The following SNTG1 variants were observed in gnomAD, a reference collection of about 807,000 sequenced individuals.
SNTG1 encodes gamma-1-syntrophin.
Under a neutral mutation model 74.7 loss-of-function variants are expected in SNTG1, and 39 were observed. The observed-to-expected ratio is 0.52, with a 90% confidence interval of 0.40 to 0.68. The LOEUF (loss-of-function observed/expected upper bound fraction) is 0.68. Among genes scored for constraint, SNTG1 ranks in the 30% least tolerant of loss-of-function variants. The pLI is 0.00. For missense variants in SNTG1, 685 were observed against 609.5 expected (o/e 1.12, Z -1.30); for synonymous variants, 254 against 217.1 (o/e 1.17, Z -1.49).
At chr8:50,256,505 A>C (rs1436568793) in intron 2 of SNTG1, among the ~76,000 whole-genome samples, 1 of 152,118 alleles carries the variant, frequency 6.6e-6, no homozygotes, top group African/African-American at 2.4e-5. Context: ...GTGAGTATGG[A>C]TAAAACATGT....
intron 1 of SNTG1, among the ~76,000 whole-genome samples, chr8:50,083,007 T>A (rs528115650): frequency 5.3e-5 from 8 of 152,292 alleles, no homozygotes; most frequent in African/African-American, 1.7e-4. Context: ...ATACTCCCAA[T>A]GAAGTGAGTC....
intron 1 of SNTG1, among the ~76,000 whole-genome samples, chr8:50,051,735 C>T (rs781759088): frequency 9.2e-5 from 14 of 152,084 alleles, no homozygotes; most frequent in Non-Finnish European, 2.1e-4. Context: ...TCTGTCTTCA[C>T]ATGGCTGTCT....
intron 9 of SNTG1, among the ~76,000 whole-genome samples, chr8:50,503,203 TCTAA>T (rs2093979002): frequency 1.3e-5 from 2 of 152,176 alleles, no homozygotes; most frequent in Non-Finnish European, 2.9e-5. Context: ...ATGTATTTTC[TCTAA>T]CTAAAAATTA....
At chr8:50,174,827 C>T (rs974840264) in intron 2 of SNTG1, among the ~76,000 whole-genome samples, 5 of 151,736 alleles carry the variant, frequency 3.3e-5, no homozygotes, top group African/African-American at 9.7e-5. Context: ...CATCATTTAG[C>T]ATTAGGTATA....
chr8:50,719,399 G>A (rs941795481), intron 17 of SNTG1, among the ~76,000 whole-genome samples: 8 of 152,144 alleles, frequency 5.3e-5, no homozygotes, highest in African/African-American at 1.9e-4. Context: ...TTTCGAAGCA[G>A]AGAATGACCT....
At chr8:50,002,859 A>T (rs1480125545) in intron 1 of SNTG1, among the ~76,000 whole-genome samples, 1 of 152,242 alleles carries the variant, frequency 6.6e-6, no homozygotes, top group African/African-American at 2.4e-5. Flanking sequence ...GTCCATCCAC[A>T]GATACAGGGA....
At chr8:50,631,580 A>G (rs2094997851) in intron 13 of SNTG1, among the ~76,000 whole-genome samples, 1 of 152,212 alleles carries the variant, frequency 6.6e-6, no homozygotes, top group Non-Finnish European at 1.5e-5. Flanking sequence ...TATATAGGCA[A>G]ATTCGAGAAG....
chr8:50,210,027 C>T (rs527841554), intron 2 of SNTG1, among the ~76,000 whole-genome samples: 2 of 152,192 alleles, frequency 1.3e-5, no homozygotes, highest in East Asian at 1.9e-4. Context: ...GTAGAGAAGA[C>T]CTTAAATGAA....
chr8:50,401,572 C>A (rs2092805793), intron 3 of SNTG1, among the ~76,000 whole-genome samples: 1 of 151,918 alleles, frequency 6.6e-6, no homozygotes, highest in East Asian at 1.9e-4. Context: ...ACCCTTATTT[C>A]CTTCTAGGTA....
chr8:50,396,820 A>T (rs978170623), intron 3 of SNTG1, among the ~76,000 whole-genome samples: 5 of 152,244 alleles, frequency 3.3e-5, no homozygotes, highest in Non-Finnish European at 7.4e-5. Context: ...ATGATATTCT[A>T]CTTTTATAAA....
chr8:50,221,260 C>T (rs887172419), intron 2 of SNTG1, among the ~76,000 whole-genome samples: 2 of 151,752 alleles, frequency 1.3e-5, no homozygotes, highest in East Asian at 3.9e-4. Context: ...AATGTATAGC[C>T]TTTAATGTAA....
intron 15 of SNTG1, among the ~76,000 whole-genome samples, chr8:50,691,949 T>G (rs561918714): frequency 6.6e-6 from 1 of 152,292 alleles, no homozygotes; most frequent in Admixed American, 6.5e-5. Flanking sequence ...TGTTCATTTC[T>G]TTTTATTCTT....
intron 1 of SNTG1, among the ~76,000 whole-genome samples, chr8:49,952,466 G>T (rs1809809922): frequency 6.6e-6 from 1 of 152,194 alleles, no homozygotes; most frequent in Non-Finnish European, 1.5e-5. Context: ...AAATGGGAAA[G>T]ATCTTGGCCT....
rs555038213 is a variant in SNTG1 at position 50,491,848 on chromosome 8, G to A, written c.364-10930G>A. On this transcript the variant is annotated intron_variant, in intron 8 of 18. Transcript: ENST00000642720. ...ACCCATCAACCCATCATCTACATTAGGTATTTCTCCTAATGCTATTCCTCC... is the reference window on the plus strand; with the variant it reads ...ACCCATCAACCCATCATCTACATTAAGTATTTCTCCTAATGCTATTCCTCC... 2.2e-3 allele frequency among the ~76,000 whole-genome samples: 336 copies of A among 151,560 alleles called. 5 individuals carry two copies. Among genetic ancestry groups the A allele is most frequent in the African/African-American group, 7.7e-3 (317 of 41,186 alleles).
intron 1 of SNTG1, among the ~76,000 whole-genome samples, chr8:50,052,161 A>C (rs1819631508): frequency 6.6e-6 from 1 of 152,054 alleles, no homozygotes; most frequent in Admixed American, 6.6e-5. Flanking sequence ...AAAACTGACT[A>C]AAAGGATAGA....
At chr8:50,549,684 C>G (rs2094412321) in intron 11 of SNTG1, among the ~76,000 whole-genome samples, 2 of 151,702 alleles carry the variant, frequency 1.3e-5, no homozygotes, top group African/African-American at 4.8e-5. Context: ...GCCTCTTCTT[C>G]AGATCCACAC....
chr8:50,545,491 A>AATATATATATATAT (rs60704745), intron 11 of SNTG1, among the ~76,000 whole-genome samples: 2 of 147,022 alleles, frequency 1.4e-5, no homozygotes, highest in Admixed American at 6.9e-5. Context: ...ATGTTATATA[A>AATATATATATATAT]ATATATATAT....
In SNTG1 at chr8:50,082,672, G is replaced by GCC. The variant is rs1480417080; in HGVS notation, c.-102-89888_-102-89887dup. ...CCTGGAGAAAGTTTTTAAATCTCAG[G>GCC]CCATTTTAAAGCTTCCCTGGCTTTT... On this transcript the variant is annotated intron_variant, in intron 1 of 18. Transcript: ENST00000642720. Among the ~76,000 whole-genome samples, 3 of 152,040 alleles carry GCC rather than the reference G, an allele frequency of 2.0e-5. No homozygotes were observed. In the East Asian group the frequency reaches 5.8e-4, roughly 29 times the overall value.
chr8:50,786,049 C>T (rs2095674180), intron 18 of SNTG1, among the ~76,000 whole-genome samples: 1 of 151,928 alleles, frequency 6.6e-6, no homozygotes, highest in South Asian at 2.1e-4. Flanking sequence ...TGTATGCCCT[C>T]CCCACTTTCA....
Sources: allele counts gnomAD v4.1 joint callset (sites outside exome capture counted in the v4.1 genomes callset), GRCh38; gene constraint gnomAD v4.1.1; transcripts MANE v1.5; gene names NCBI Gene and HGNC (gene_info 2026-07-23, HGNC 2026-07-21).